SH3PXD2A: variants seen among roughly 807,000 people sequenced by gnomAD.
The protein encoded by SH3PXD2A is SH3 and PX domain-containing protein 2A.
In SH3PXD2A, 32 loss-of-function variants were observed where a neutral mutation model predicts 115.2. The observed-to-expected ratio is 0.28, with a 90% CI of 0.21 to 0.37. SH3PXD2A has a LOEUF of 0.37. Among genes scored for constraint, SH3PXD2A ranks in the 10% least tolerant of loss-of-function variants. The pLI is 1.00. For missense variants in SH3PXD2A, 1,328 were observed against 1,498.7 expected (o/e 0.89, Z 1.88); for synonymous variants, 610 against 629.1 (o/e 0.97, Z 0.45).
chr10:103,628,090 G>C (rs969271925), intron 8 of SH3PXD2A, among the ~76,000 whole-genome samples: 4 of 152,242 alleles, frequency 2.6e-5, no homozygotes, highest in African/African-American at 7.2e-5. Flanking sequence ...GATCTAGAAG[G>C]CACGTTGGTG....
chr10:103,835,871 G>C (rs906553843), intron 1 of SH3PXD2A, among the ~76,000 whole-genome samples: 4 of 152,162 alleles, frequency 2.6e-5, no homozygotes, highest in African/African-American at 7.2e-5. Context: ...CACGTTTCTA[G>C]AGCAAGTGCC....
chr10:103,595,164 C>T lies in SH3PXD2A; in HGVS notation c.*6652G>A, dbSNP rs539797847. On this transcript the variant is annotated 3_prime_UTR_variant, in exon 15 of 15. Coordinates refer to ENST00000369774, the MANE Select transcript of SH3PXD2A (RefSeq NM_001394015.1). ...TCTGCTAAGTAAATCAATGACCATT[C>T]ATTGAGAACTGATGGGGACCCAGCG... 1.1e-4 allele frequency: 17 copies of T among 152,224 alleles called. No homozygotes were observed. The highest frequency in any genetic ancestry group is 3.6e-4 in the African/African-American group (15 of 41,446). 9.4% of individuals were successfully genotyped at this position (152,224 alleles called of 1,614,324 possible). A position where few individuals can be genotyped will look rare whatever the true frequency, so the allele number is the denominator to read the frequency against.
chr10:103,680,415 A>G (rs917362052), intron 6 of SH3PXD2A, among the ~76,000 whole-genome samples: 3 of 151,676 alleles, frequency 2.0e-5, no homozygotes, highest in East Asian at 3.9e-4. Context: ...AGTAGCTGAA[A>G]CCACAGGTGT....
chr10:103,734,805 G>A (rs1034988748), intron 4 of SH3PXD2A, among the ~76,000 whole-genome samples: 5 of 152,120 alleles, frequency 3.3e-5, no homozygotes, highest in African/African-American at 1.2e-4. Context: ...TCATTTGCTT[G>A]TTTATTTAAT....
intron 8 of SH3PXD2A, among the ~76,000 whole-genome samples, chr10:103,644,852 G>A (rs748038851): frequency 1.1e-4 from 16 of 152,196 alleles, no homozygotes; most frequent in Admixed American, 2.0e-4. Context: ...GGAAACTGAG[G>A]AGCAGAATGG....
intron 8 of SH3PXD2A, among the ~76,000 whole-genome samples, chr10:103,632,875 T>A (rs1479859874): frequency 1.3e-5 from 2 of 151,968 alleles, no homozygotes; most frequent in African/African-American, 2.4e-5. Context: ...CTCGAGAGGC[T>A]GAGGCAGGAG....
chr10:103,780,154 C>T (rs780704427), intron 2 of SH3PXD2A, among the ~76,000 whole-genome samples: 1 of 152,328 alleles, frequency 6.6e-6, no homozygotes, highest in East Asian at 1.9e-4. Context: ...AGACCCTCAG[C>T]GGGCCTGGGC....
In SH3PXD2A at chr10:103,603,583, C is replaced by A. The variant is rs2036253957; in HGVS notation, c.1635G>T (p.Gln545His). The A allele has an allele frequency of 6.2e-7, 1 of 1,608,334 alleles. No homozygotes were observed. Among genetic ancestry groups the A allele is most frequent in the South Asian group, 1.1e-5 (1 of 89,892 alleles). ...CATACTTGAGCTTCCGCGGGGAGTC[C>A]TGGCTCTCACTGGCCCCCGTAGGGC... is the stretch of plus-strand genomic sequence containing the variant. ...EEGPTGASES[Q>H]DSPRKLKYEE... is the part of the protein sequence containing the mutation. Residue 545 changes from glutamine (Q) to histidine (H), a missense_variant, in exon 15 of 15, where the codon CAG becomes CAT. By Grantham distance (24) the Gln-to-His change is conservative (BLOSUM62 0). Around this residue, in one of 5 missense-constraint regions of SH3PXD2A, gnomAD observed 509 missense variants for 628.3 expected, o/e 0.81. Transcript: ENST00000369774.
chr10:103,852,750 CT>C (rs1842908088), intron 1 of SH3PXD2A, among the ~76,000 whole-genome samples: 1 of 152,222 alleles, frequency 6.6e-6, no homozygotes, highest in Non-Finnish European at 1.5e-5. Flanking sequence ...CTATTGCTTT[CT>C]TTCCCCCTTT....
chr10:103,845,611 C>G (rs1377834551), intron 1 of SH3PXD2A, among the ~76,000 whole-genome samples: 3 of 152,154 alleles, frequency 2.0e-5, no homozygotes, highest in African/African-American at 7.2e-5. Flanking sequence ...CAGTGGCCCT[C>G]GGGGCTGCTC....
chr10:103,717,765 C>A (rs977577766), intron 5 of SH3PXD2A, among the ~76,000 whole-genome samples: 3 of 152,226 alleles, frequency 2.0e-5, no homozygotes, highest in African/African-American at 7.2e-5. Context: ...TCCTGCCGGG[C>A]CAGTTTGGGC....
chr10:103,622,802 TG>T (rs1360168183), intron 9 of SH3PXD2A, among the ~76,000 whole-genome samples: 1 of 151,524 alleles, frequency 6.6e-6, no homozygotes, highest in East Asian at 1.9e-4. Context: ...AGCCTAGGAG[TG>T]GGCTAAAGCC....
Position 103,600,526 on chromosome 10 carries a change from C to T in SH3PXD2A, c.*1290G>A, listed in dbSNP as rs1161276541. The T allele has an allele frequency of 6.6e-6, 1 of 152,254 alleles. No homozygotes were observed. The highest frequency in any genetic ancestry group is 6.5e-5 in the Admixed American group (1 of 15,292). The allele number at this position is 152,254 out of a possible 1,614,324, so 9.4% of individuals were successfully genotyped here. The stretch of plus-strand genomic sequence containing the variant: ...GGACAATGGCTGCTTCTCCATGCTT[C>T]ATACGTAAGGCTTCCAGCCCTGCCC... On this transcript the variant is annotated 3_prime_UTR_variant, in exon 15 of 15. Coordinates refer to ENST00000369774, the MANE Select transcript of SH3PXD2A (RefSeq NM_001394015.1).
rs569888387 is a variant in SH3PXD2A, at chr10:103,784,399, C to A, written c.153+16883G>T. ...CTCCACCTCCAGTTCCACTCCTACA[C>A]GCAGACCCAAGGCAGGAGGAAGGGA... On this transcript the variant is annotated intron_variant, in intron 2 of 14. Coordinates refer to ENST00000369774, the MANE Select transcript of SH3PXD2A (RefSeq NM_001394015.1). This position sits in a 1 kb window ranked among gnomAD's most constrained non-coding sequence, Gnocchi z 4.4. Among the ~76,000 whole-genome samples, 2 of 152,222 alleles carry A rather than the reference C, an allele frequency of 1.3e-5. No individual in the cohort carries two copies. The highest frequency in any genetic ancestry group is 2.4e-5 in the African/African-American group (1 of 41,464).
At chr10:103,762,320 G>A (rs1215533563) in intron 3 of SH3PXD2A, among the ~76,000 whole-genome samples, 4 of 152,044 alleles carry the variant, frequency 2.6e-5, no homozygotes, top group South Asian at 2.1e-4. Flanking sequence ...GAGCCACTGC[G>A]CCCAACATGT....
intron 1 of SH3PXD2A, among the ~76,000 whole-genome samples, chr10:103,832,414 C>A (rs1290989900): frequency 6.6e-6 from 1 of 150,724 alleles, no homozygotes; most frequent in Admixed American, 6.6e-5. Flanking sequence ...ACCAGCTGAT[C>A]TGGAGGAAAT....
At chr10:103,613,566 A>G (rs2036463839) in intron 11 of SH3PXD2A, among the ~76,000 whole-genome samples, 1 of 152,162 alleles carries the variant, frequency 6.6e-6, no homozygotes, top group African/African-American at 2.4e-5. Context: ...GAGAGATAAG[A>G]AGAAGGTGTG....
chr10:103,678,430 C>T (rs1196107595), intron 6 of SH3PXD2A, among the ~76,000 whole-genome samples: 1 of 152,220 alleles, frequency 6.6e-6, no homozygotes, highest in Non-Finnish European at 1.5e-5. Context: ...CGGGAGTGTG[C>T]GGCTCTCTGG....
chr10:103,796,709 T>C (rs2039092930), intron 2 of SH3PXD2A, among the ~76,000 whole-genome samples: 1 of 152,180 alleles, frequency 6.6e-6, no homozygotes, highest in African/African-American at 2.4e-5. Context: ...CTCATCTTTC[T>C]ACTTCCACCC....
Sources: allele counts gnomAD v4.1 joint callset (sites outside exome capture counted in the v4.1 genomes callset), GRCh38; gene constraint gnomAD v4.1.1; regional missense constraint gnomAD v4.1.1; non-coding constraint Gnocchi (gnomAD v3.1); transcripts MANE v1.5; gene names NCBI Gene and HGNC (gene_info 2026-07-23, HGNC 2026-07-21).